The following LIPF variants were observed in gnomAD, a reference collection of about 807,000 sequenced individuals.
The protein encoded by LIPF is gastric triacylglycerol lipase.
Under a neutral mutation model 38.0 loss-of-function variants are expected in LIPF, and 25 were observed. The ratio of observed to expected loss-of-function variants is 0.66; its 90% CI spans 0.48 to 0.92. The LOEUF is 0.92. LIPF is among the 40% of genes least tolerant of loss of function. The pLI is 0.00. For missense variants in LIPF, 410 were observed against 469.9 expected (o/e 0.87, Z 1.18); for synonymous variants, 161 against 156.2 (o/e 1.03, Z -0.23).
chr10:88,665,492 G>A, intron 1 of LIPF: 1 of 1,499,948 alleles, frequency 6.7e-7, no homozygotes, highest in South Asian at 1.2e-5. Context: ...TTGGCAACAA[G>A]CATTTTGAGA....
At chr10:88,667,466 G>T in intron 2 of LIPF, 64 bp downstream of exon 2, 4 of 1,102,220 alleles carry the variant, frequency 3.6e-6, no homozygotes, top group Non-Finnish European at 5.4e-6. Flanking sequence ...ATCATAATGA[G>T]TTAAAGATTT....
In LIPF at chr10:88,668,661, T is replaced by C; in HGVS notation, c.327T>C (p.Ala109=). 6.2e-7 allele frequency: 1 copy of C among 1,614,194 alleles called. No homozygotes were observed. Among genetic ancestry groups the C allele is most frequent in the Non-Finnish European group, 8.5e-7 (1 of 1,180,008 alleles). The part of the protein sequence containing the change: ...NNSLAFILAD[A]GYDVWLGNSR... ...GCCTTGCCTTCATTCTGGCAGATGC[T>C]GGTTATGATGTGTGGCTGGGCAACA... The change falls in exon 4 of 10, where the codon GCT becomes GCC. Residue 109 remains alanine, a synonymous_variant. Transcript: ENST00000238983.
chr10:88,667,678 G>C lies in LIPF; in HGVS notation c.215G>C (p.Gly72Ala). 7.4e-7 allele frequency: 1 copy of C among 1,359,872 alleles called. No individual in the cohort carries two copies. Among genetic ancestry groups the C allele is most frequent in the East Asian group, 2.3e-5 (1 of 43,564 alleles). 84.2% of individuals were successfully genotyped at this position (1,359,872 alleles called of 1,614,324 possible). Residue 72 changes from glycine (G) to alanine (A), a missense_variant, in exon 3 of 10, where the codon GGG becomes GCG. Gly to Ala is a moderately conservative substitution (Grantham distance 60, BLOSUM62 0). Transcript: ENST00000238983. ...ATTCCTTATGGGAAGAAAAATTCAGGGAATACAGGTATATATAAGCTTCTT... is the reference window on the plus strand; with the variant it reads ...ATTCCTTATGGGAAGAAAAATTCAGCGAATACAGGTATATATAAGCTTCTT... Reference protein sequence around the residue: ...NRIPYGKKNSGNTGQRPVVFL... With the variant: ...NRIPYGKKNSANTGQRPVVFL...
chr10:88,667,339 G>T lies in LIPF; in HGVS notation c.42G>T (p.Leu14=). 6.2e-7 allele frequency: 1 copy of T among 1,613,428 alleles called. No homozygotes were observed. The highest frequency in any genetic ancestry group is 8.5e-7 in the Non-Finnish European group (1 of 1,179,494). Residue 14 remains leucine (L), a synonymous_variant, in exon 2 of 10, where the codon CTG becomes CTT. Coordinates refer to ENST00000238983, the MANE Select transcript of LIPF (RefSeq NM_004190.4). ...CAATGGCAAGTTTGATATCTGTACT[G>T]GGGACTACACATGGTTTGTTTGGAA... ...LLTMASLISV[L]GTTHGLFGKL...
At chr10:88,664,582 T>C (rs1047979365) in intron 1 of LIPF, 91 bp downstream of exon 1, 1 of 152,634 alleles carries the variant, frequency 6.6e-6, no homozygotes, top group Non-Finnish European at 1.5e-5. Context: ...GCTTAGATAT[T>C]TGTTGCATAT....
Position 88,671,870 on chromosome 10 carries a change from A to C in LIPF, c.574A>C (p.Ile192Leu). 1 of 1,613,552 alleles carries C rather than the reference A, an allele frequency of 6.2e-7. No individual in the cohort carries two copies. The highest frequency in any genetic ancestry group is 8.5e-7 in the Non-Finnish European group (1 of 1,179,754). Residue 192 changes from isoleucine (I) to leucine (L), a missense_variant, in exon 6 of 10, where the codon ATC becomes CTC. By Grantham distance (5) the Ile-to-Leu change is conservative. Coordinates refer to ENST00000238983, the MANE Select transcript of LIPF (RefSeq NM_004190.4). Reference protein sequence around the residue: ...FSTNPSLAKRIKTFYALAPVA... With the variant: ...FSTNPSLAKRLKTFYALAPVA... ...CACCAATCCCAGCCTGGCTAAAAGA[A>C]TCAAAACCTTCTATGCTCTAGCTCC...
intron 9 of LIPF, among the ~76,000 whole-genome samples, chr10:88,677,458 C>A (rs1841705639): frequency 6.6e-6 from 1 of 152,072 alleles, no homozygotes; most frequent in Admixed American, 6.6e-5. Context: ...AATTTAAGAG[C>A]CAGGGCCAGC....
chr10:88,669,708 T>C (rs1365354582), intron 4 of LIPF, 129 bp from the exon 5 acceptor site: 5 of 624,512 alleles, frequency 8.0e-6, no homozygotes, highest in Non-Finnish European at 1.4e-5. Context: ...CCACTGATGG[T>C]CTATAAGCAT....
intron 7 of LIPF, among the ~76,000 whole-genome samples, chr10:88,675,024 G>T (rs371658159): frequency 6.6e-6 from 1 of 152,106 alleles, no homozygotes; most frequent in Non-Finnish European, 1.5e-5. Context: ...CATCTTCTGC[G>T]TAATAATTTG....
chr10:88,669,999 A>G, intron 5 of LIPF, 53 bp downstream of exon 5: 1 of 1,192,044 alleles, frequency 8.4e-7, no homozygotes, highest in Admixed American at 1.8e-5. Context: ...ACACTTTCCC[A>G]GTGGTTATGG....
rs753696667 is a variant in LIPF at position 88,667,395 on chromosome 10, T to C, written c.98T>C (p.Met33Thr). 4.4e-6 allele frequency: 7 copies of C among 1,574,138 alleles called. No individual in the cohort carries two copies. Among genetic ancestry groups the C allele is most frequent in the Non-Finnish European group, 6.1e-6 (7 of 1,144,172 alleles). ...KLHPGSPEVT[M>T]NISQMITYWG... ...CATCCTGGAAGCCCTGAAGTGACTA[T>C]GAACATTGTAAGTTACTCTGGGGAA... is the stretch of plus-strand genomic sequence containing the variant. Residue 33 changes from methionine to threonine, a missense_variant, in exon 2 of 10, where the codon ATG becomes ACG. By Grantham distance (81) the Met-to-Thr change is moderately conservative. Coordinates refer to ENST00000238983, the MANE Select transcript of LIPF (RefSeq NM_004190.4).
At chr10:88,665,297 G>A (rs1440537970) in intron 1 of LIPF, among the ~76,000 whole-genome samples, 3 of 152,040 alleles carry the variant, frequency 2.0e-5, no homozygotes, top group Non-Finnish European at 4.4e-5. Context: ...AGCATGTTAA[G>A]AACTTTACTT....
intron 4 of LIPF, chr10:88,669,301 G>A: frequency 6.3e-6 from 1 of 158,438 alleles, no homozygotes; most frequent in Non-Finnish European, 1.4e-5. Context: ...GGAGCTGAAA[G>A]GAAACCTGTG....
At chr10:88,672,075 C>A in intron 6 of LIPF, 110 bp downstream of exon 6, 1 of 1,053,844 alleles carries the variant, frequency 9.5e-7, no homozygotes, top group Non-Finnish European at 1.3e-6. Flanking sequence ...TTTTTATATC[C>A]AAAAATGGAA....
rs78422685 is a variant in LIPF, at chr10:88,677,074, C to T, written c.960+794C>T. Among the ~76,000 whole-genome samples the T allele has an allele frequency of 5.5e-3, 831 of 152,258 alleles. 3 individuals are homozygous for T. Among genetic ancestry groups the T allele is most frequent in the Non-Finnish European group, 0.01 (692 of 68,014 alleles). On this transcript the variant is annotated intron_variant, in intron 9 of 9. Coordinates refer to ENST00000238983, the MANE Select transcript of LIPF (RefSeq NM_004190.4). The stretch of plus-strand genomic sequence containing the variant: ...TCCAATTTTTCCATCCAAGTAGTAG[C>T]TGAACAACTCTACTAATTTTCATTT...
At chr10:88,667,453 A>G (rs1191630202) in intron 2 of LIPF, 51 bp downstream of exon 2, 2 of 1,175,216 alleles carry the variant, frequency 1.7e-6, no homozygotes, top group African/African-American at 1.5e-5. Flanking sequence ...GCTATTATTT[A>G]AAATCATAAT....
In LIPF at chr10:88,671,837, G is replaced by A. The variant is rs1312818994; in HGVS notation, c.541G>A (p.Ala181Thr). Residue 181 changes from alanine to threonine, a missense_variant, in exon 6 of 10, where the codon GCC becomes ACC. Coordinates refer to ENST00000238983, the MANE Select transcript of LIPF (RefSeq NM_004190.4). ...TCCTTGTTCTTTTTCAGGTTTTATT[G>A]CCTTTTCCACCAATCCCAGCCTGGC... ...HSQGTTIGFI[A>T]FSTNPSLAKR... The A allele has an allele frequency of 1.9e-6, 3 of 1,609,612 alleles. No homozygotes were observed. Among genetic ancestry groups the A allele is most frequent in the Non-Finnish European group, 1.7e-6 (2 of 1,178,312 alleles).
At position 88,667,705 on chromosome 10, in the gene LIPF, TCTTC is replaced by T. The variant is rs769968607; in HGVS notation, c.223+27_223+30del. Reference sequence around the variant, plus strand: ...AATACAGGTATATATAAGCTTCTTTTCTTCCTTCCTTTCTCTCTTTTTTCCTTTC... The same window carrying T: ...AATACAGGTATATATAAGCTTCTTTTCTTCCTTTCTCTCTTTTTTCCTTTC... On this transcript the variant is annotated intron_variant, in intron 3 of 9. Transcript: ENST00000238983. 1.8e-5 allele frequency: 18 copies of T among 988,680 alleles called. No individual in the cohort carries two copies. The highest frequency in any genetic ancestry group is 8.0e-5 in the Admixed American group (4 of 49,716). The allele number at this position is 988,680 out of a possible 1,614,324, so 61.2% of individuals were successfully genotyped here.
intron 1 of LIPF, 98 bp from the exon 2 acceptor site, chr10:88,667,189 C>G (rs538519515): frequency 3.2e-6 from 2 of 628,496 alleles, no homozygotes; most frequent in Non-Finnish European, 5.6e-6. Context: ...CAAACCCAAG[C>G]ATTCCTCTAC....
Sources: gnomAD v4.1 joint callset for allele counts (sites outside exome capture counted in the v4.1 genomes callset) on GRCh38, gnomAD v4.1.1 for gene constraint, MANE v1.5 for transcripts, NCBI Gene and HGNC (gene_info 2026-07-23, HGNC 2026-07-21) for gene names.